The following MAP4 variants were observed in gnomAD, a reference collection of about 807,000 sequenced individuals.
MAP4 encodes microtubule-associated protein 4.
A neutral mutation model predicts 170.2 loss-of-function variants in MAP4; 76 were observed. The observed-to-expected ratio is 0.45, with a 90% CI of 0.37 to 0.54. The LOEUF (loss-of-function observed/expected upper bound fraction) is 0.54. Ranked by LOEUF, MAP4 falls within the 20% of genes least tolerant of loss-of-function variation. The pLI, the probability that MAP4 is intolerant of heterozygous loss-of-function variation, is 0.00. For synonymous variants in MAP4, 909 were observed against 994.5 expected (o/e 0.91, Z 1.62); for missense variants, 2,506 against 2,748.0 (o/e 0.91, Z 1.97).
At chr3:47,870,023 C>A (rs1485191139) in intron 15 of MAP4, among the ~76,000 whole-genome samples, 1 of 152,126 alleles carries the variant, frequency 6.6e-6, no homozygotes, top group Non-Finnish European at 1.5e-5. Flanking sequence ...TCCTGAATTT[C>A]TTAACAGCTC....
intron 9 of MAP4, 146 bp downstream of exon 9, chr3:47,908,892 C>T (rs1048293767): frequency 1.2e-6 from 1 of 854,736 alleles, no homozygotes; most frequent in East Asian, 2.4e-5. Flanking sequence ...GAAAACACAC[C>T]GTAGCAGTTA....
chr3:48,056,929 G>A (rs1408844210), intron 1 of MAP4, among the ~76,000 whole-genome samples: 3 of 138,924 alleles, frequency 2.2e-5, no homozygotes, highest in African/African-American at 2.7e-5. Flanking sequence ...CGTCCGGGAG[G>A]GAGGTGGGGG....
intron 4 of MAP4, among the ~76,000 whole-genome samples, chr3:47,927,623 A>AT (rs1256788473): frequency 1.3e-5 from 2 of 152,078 alleles, no homozygotes; most frequent in Non-Finnish European, 2.9e-5. Context: ...TTACAGACAT[A>AT]TGCCACTACA....
intron 10 of MAP4, among the ~76,000 whole-genome samples, chr3:47,894,489 AG>A (rs1266973062): frequency 2.6e-5 from 4 of 152,058 alleles, no homozygotes; most frequent in African/African-American, 9.7e-5. Context: ...AGGCTGAGGC[AG>A]GAGAATGGCG....
chr3:47,891,401 G>A (rs1300616445), intron 10 of MAP4: 2 of 1,536,004 alleles, frequency 1.3e-6, no homozygotes, highest in East Asian at 4.9e-5. Context: ...GTAGCTAGCT[G>A]TCTGTTCCTC....
chr3:48,042,061 T>C (rs1249095290), intron 1 of MAP4, among the ~76,000 whole-genome samples: 1 of 152,198 alleles, frequency 6.6e-6, no homozygotes, highest in African/African-American at 2.4e-5. Context: ...CTGGTAAACA[T>C]GTGTTTTCGA....
chr3:47,853,141 T>C (rs1456699598), intron 20 of MAP4, 22 bp downstream of exon 20: 6 of 1,608,418 alleles, frequency 3.7e-6, no homozygotes, highest in Non-Finnish European at 5.1e-6. Flanking sequence ...GGCTGGCCCT[T>C]AGGCCGAGCC....
chr3:48,040,313 G>C (rs1345082818), intron 1 of MAP4, among the ~76,000 whole-genome samples: 2 of 151,966 alleles, frequency 1.3e-5, no homozygotes, highest in Non-Finnish European at 2.9e-5. Flanking sequence ...CTGTCCCCCA[G>C]GCTAGAGTTC....
intron 10 of MAP4, among the ~76,000 whole-genome samples, chr3:47,896,996 T>C (rs2100027205): frequency 6.6e-6 from 1 of 152,168 alleles, no homozygotes; most frequent in Non-Finnish European, 1.5e-5. Context: ...AGAAAAAAAG[T>C]GGTTTGCCCA....
At chr3:48,038,573 G>A (rs959948736) in intron 1 of MAP4, among the ~76,000 whole-genome samples, 1 of 146,808 alleles carries the variant, frequency 6.8e-6, no homozygotes, top group Non-Finnish European at 1.5e-5. Context: ...CCATTCTCCC[G>A]CCTCAGCCTC....
intron 5 of MAP4, among the ~76,000 whole-genome samples, chr3:47,920,520 G>A (rs1383521532): frequency 2.0e-5 from 3 of 151,808 alleles, no homozygotes. Context: ...TGGGATTACG[G>A]GCGTGTGCCA....
intron 1 of MAP4, among the ~76,000 whole-genome samples, chr3:48,068,561 G>A (rs748459466): frequency 9.9e-5 from 15 of 151,906 alleles, no homozygotes; most frequent in Admixed American, 2.0e-4. Context: ...AGGCCAAGGC[G>A]GGCGGATCAC....
intron 1 of MAP4, among the ~76,000 whole-genome samples, chr3:48,056,953 C>T (rs1370779562): frequency 3.8e-5 from 5 of 132,612 alleles, no homozygotes; most frequent in Admixed American, 7.1e-5. Context: ...CAGCCCCCCG[C>T]CCGGCCAGCC....
Position 47,855,773 on chromosome 3 carries a change from T to C in MAP4, c.6584-413A>G, listed in dbSNP as rs2054705750. ...CCTCACTGAATTCTCATGAATGCCC[T>C]GTCATCACGGCCACGGTCCCTGCTT... is the stretch of plus-strand genomic sequence containing the variant. On this transcript the variant is annotated intron_variant, in intron 18 of 20. Transcript: ENST00000683076. This position sits in a 1 kb window ranked among gnomAD's most constrained non-coding sequence, Gnocchi z 5.1. Among the ~76,000 whole-genome samples the C allele has an allele frequency of 6.6e-6, 1 of 152,156 alleles. No individual in the cohort carries two copies. The highest frequency in any genetic ancestry group is 2.1e-4 in the South Asian group (1 of 4,824).
Position 48,087,002 on chromosome 3 carries a change from CT to C in MAP4, c.-20+1770del, listed in dbSNP as rs556685067. ...TTTGCCACTTAACTATCTGTGTGAC[CT>C]CTTCTTCCCATCAGTCTCAATTTCC... On this transcript the variant is annotated intron_variant, in intron 1 of 18. Coordinates refer to the MAP4 transcript ENST00000360240. Among the ~76,000 whole-genome samples, 12 of 152,276 alleles carry C rather than the reference CT, an allele frequency of 7.9e-5. No individual in the cohort carries two copies. The South Asian group carries it at 2.5e-3, about 32-fold the overall frequency.
intron 9 of MAP4, 32 bp from the exon 10 acceptor site, chr3:47,903,032 AAGACC>A: frequency 1.0e-6 from 1 of 958,590 alleles, no homozygotes; most frequent in Non-Finnish European, 1.2e-6. Flanking sequence ...AGATTATAAG[AAGACC>A]AGGCTTCACT....
intron 10 of MAP4, among the ~76,000 whole-genome samples, chr3:47,897,632 A>G (rs961886468): frequency 6.6e-6 from 1 of 152,228 alleles, no homozygotes; most frequent in Non-Finnish European, 1.5e-5. Context: ...TGTTTACTTT[A>G]TATCTTAAGA....
intron 3 of MAP4, among the ~76,000 whole-genome samples, chr3:47,962,786 C>T (rs1322838755): frequency 1.3e-5 from 2 of 152,210 alleles, no homozygotes; most frequent in African/African-American, 4.8e-5. Flanking sequence ...TACTGTATCT[C>T]TGTTGCTCAG....
chr3:47,973,583 T>C, intron 3 of MAP4: 1 of 984,636 alleles, frequency 1.0e-6, no homozygotes, highest in Non-Finnish European at 1.2e-6. Flanking sequence ...AAAAAACAAA[T>C]TTCAAACAAA....
Sources: gnomAD v4.1 joint callset for allele counts (sites outside exome capture counted in the v4.1 genomes callset) on GRCh38, gnomAD v4.1.1 for gene constraint, Gnocchi (gnomAD v3.1) non-coding constraint, MANE v1.5 for transcripts, NCBI Gene and HGNC (gene_info 2026-07-23, HGNC 2026-07-21) for gene names.